Variants in SERPINB12 observed in about 807,000 individuals in gnomAD.
The protein encoded by SERPINB12 is serpin family B member 12, also known as serpin B12.
SERPINB12 carries 57 observed loss-of-function variants against 41.1 expected under a neutral mutation model. That is an observed-to-expected ratio of 1.39 (90% CI 1.12 to 1.73). The LOEUF (loss-of-function observed/expected upper bound fraction) is 1.73. Ranked by LOEUF, SERPINB12 falls within the 40% of genes most tolerant of loss-of-function variation. SERPINB12 has a pLI of 0.00. For missense variants in SERPINB12, 536 were observed against 501.9 expected (o/e 1.07, Z -0.65); for synonymous variants, 180 against 181.3 (o/e 0.99, Z 0.06).
rs202021125 is a variant in SERPINB12, at chr18:63,566,594, C to T, written c.874-13C>T. ...ATAATCTGATGCTAAATATTATTTC[C>T]TTCCTCTTGTAGCTTGAAAGGAAAA... On this transcript the variant is annotated splice_polypyrimidine_tract_variant and intron_variant, in intron 7 of 7. Transcript: ENST00000382768. 6.3e-7 allele frequency: 1 copy of T among 1,584,560 alleles called. No homozygotes were observed. Among genetic ancestry groups the T allele is most frequent in the Non-Finnish European group, 8.6e-7 (1 of 1,169,102 alleles).
chr18:63,534,133 C>A, the SERPINB12 span, among the ~76,000 whole-genome samples: 21 of 152,268 alleles, frequency 1.4e-4, no homozygotes, highest in African/African-American at 5.1e-4. Flanking sequence ...TGTCACTCAA[C>A]TCACAGGCCT....
the SERPINB12 span, among the ~76,000 whole-genome samples, chr18:63,533,744 T>A: frequency 5.3e-4 from 80 of 152,282 alleles, no homozygotes; most frequent in African/African-American, 1.8e-3. Flanking sequence ...TCCCACCTCT[T>A]GAACTTTCAT....
At chr18:63,560,702 C>T (rs1293844236) in intron 4 of SERPINB12, among the ~76,000 whole-genome samples, 3 of 152,086 alleles carry the variant, frequency 2.0e-5, no homozygotes, top group African/African-American at 7.2e-5. Context: ...AACAGAAACT[C>T]TGCAACCATT....
At chr18:63,532,242 T>C in the SERPINB12 span, among the ~76,000 whole-genome samples, 1 of 152,236 alleles carries the variant, frequency 6.6e-6, no homozygotes, top group Non-Finnish European at 1.5e-5. Flanking sequence ...TCTCCAGCCT[T>C]GTACTTACAG....
intron 1 of SERPINB12, among the ~76,000 whole-genome samples, chr18:63,543,448 T>C (rs1035325500): frequency 3.3e-5 from 5 of 152,184 alleles, no homozygotes; most frequent in African/African-American, 1.2e-4. Flanking sequence ...ATGCAGTGCC[T>C]GACACATTAT....
chr18:63,525,320 C>T, the SERPINB12 span, among the ~76,000 whole-genome samples: 20 of 152,208 alleles, frequency 1.3e-4, no homozygotes, highest in African/African-American at 3.6e-4. Flanking sequence ...ATTGTATATA[C>T]TAATTAGGAA....
At chr18:63,534,811 G>A in the SERPINB12 span, among the ~76,000 whole-genome samples, 3 of 152,044 alleles carry the variant, frequency 2.0e-5, no homozygotes, top group Non-Finnish European at 2.9e-5. Context: ...TGATTGGGTG[G>A]AGGAGGAAGC....
Position 63,567,846 on chromosome 18 carries a change from T to A in SERPINB12, c.*835T>A, listed in dbSNP as rs1265781890. Among the ~76,000 whole-genome samples the A allele has an allele frequency of 6.6e-6, 1 of 152,216 alleles. No homozygotes were observed. The highest frequency in any genetic ancestry group is 1.5e-5 in the Non-Finnish European group (1 of 68,030). On this transcript the variant is annotated 3_prime_UTR_variant, in exon 8 of 8. Transcript: ENST00000382768. ...TTTATGCACCCAGCACAGGCAGGTG[T>A]CAAGAGAAGTGCTGCTGGCATTGTG...
At chr18:63,527,548 T>C in the SERPINB12 span, among the ~76,000 whole-genome samples, 1 of 152,046 alleles carries the variant, frequency 6.6e-6, no homozygotes, top group African/African-American at 2.4e-5. Context: ...TGTGGCAATA[T>C]TTTTTTTCCA....
chr18:63,525,258 A>T, the SERPINB12 span, among the ~76,000 whole-genome samples: 131 of 152,134 alleles, frequency 8.6e-4, 4 homozygotes, highest in South Asian at 0.013. Flanking sequence ...CTTTCTTATA[A>T]TTTTTCCCAT....
chr18:63,536,742 G>T, the SERPINB12 span, among the ~76,000 whole-genome samples: 1 of 152,122 alleles, frequency 6.6e-6, no homozygotes, highest in East Asian at 1.9e-4. Flanking sequence ...GTACTACATG[G>T]TGTATTTTAT....
rs1910834171 is a variant in SERPINB12, at chr18:63,559,658, T to G, written c.384T>G (p.Thr128=). The change falls in exon 4 of 8, where the codon ACT becomes ACG. Residue 128 remains threonine, a synonymous_variant. Transcript: ENST00000382768. ...TCTCCAAATTAGACAGGATCAAGACTGATTACACACTGAGTATTGCCAACA... is the reference window on the plus strand; with the variant it reads ...TCTCCAAATTAGACAGGATCAAGACGGATTACACACTGAGTATTGCCAACA... ...QLLSKLDRIK[T]DYTLSIANRL... 1.2e-6 allele frequency: 2 copies of G among 1,614,022 alleles called. No individual in the cohort carries two copies. The highest frequency in any genetic ancestry group is 2.7e-5 in the African/African-American group (2 of 74,938).
intron 2 of SERPINB12, 104 bp downstream of exon 2, chr18:63,556,431 G>A (rs904577668): frequency 1.9e-6 from 2 of 1,057,012 alleles, no homozygotes; most frequent in African/African-American, 1.6e-5. Flanking sequence ...ATTGCACCCT[G>A]GGCTTGGTCA....
chr18:63,549,407 A>G (rs754887096), intron 1 of SERPINB12, among the ~76,000 whole-genome samples: 10 of 152,134 alleles, frequency 6.6e-5, no homozygotes, highest in Non-Finnish European at 1.0e-4. Flanking sequence ...TAGTATTTGT[A>G]TTGATATAAA....
the SERPINB12 span, among the ~76,000 whole-genome samples, chr18:63,535,250 G>A: frequency 3.9e-5 from 6 of 152,058 alleles, no homozygotes; most frequent in Admixed American, 6.6e-5. Context: ...TTCCTCCTTC[G>A]TATTTATCCA....
intron 1 of SERPINB12, among the ~76,000 whole-genome samples, chr18:63,546,111 C>G (rs1052414137): frequency 1.3e-5 from 2 of 152,254 alleles, no homozygotes; most frequent in African/African-American, 4.8e-5. Flanking sequence ...CTTTGAATTT[C>G]TCTACACCTA....
At chr18:63,565,373 G>T in intron 6 of SERPINB12, 72 bp from the exon 7 acceptor site, 1 of 1,418,974 alleles carries the variant, frequency 7.0e-7, no homozygotes, top group Non-Finnish European at 9.6e-7. Context: ...CCTGTCCTCC[G>T]TGAAGCTGGG....
the SERPINB12 span, among the ~76,000 whole-genome samples, chr18:63,531,456 T>G: frequency 1.3e-5 from 2 of 152,180 alleles, no homozygotes; most frequent in African/African-American, 2.4e-5. Flanking sequence ...AAATAGTTTT[T>G]GAGGCAGTAA....
Position 63,568,346 on chromosome 18 carries a change from A to G in SERPINB12, c.*1335A>G, listed in dbSNP as rs1242567861. The stretch of plus-strand genomic sequence containing the variant: ...CAGTAAGCTGAGATGGCGCCACTGC[A>G]CTCCAGCCTGGGTGACAGAGCGAAA... On this transcript the variant is annotated 3_prime_UTR_variant, in exon 8 of 8. Coordinates refer to ENST00000382768, the MANE Select transcript of SERPINB12 (RefSeq NM_001307928.2). Among the ~76,000 whole-genome samples, 1 of 152,078 alleles carries G rather than the reference A, an allele frequency of 6.6e-6. No homozygotes were observed. Among genetic ancestry groups the G allele is most frequent in the Non-Finnish European group, 1.5e-5 (1 of 68,010 alleles).
Sources: gnomAD v4.1 joint callset for allele counts (sites outside exome capture counted in the v4.1 genomes callset) on GRCh38, gnomAD v4.1.1 for gene constraint, MANE v1.5 for transcripts, NCBI Gene and HGNC (gene_info 2026-07-23, HGNC 2026-07-21) for gene names.